Variants in IQCJ observed in about 807,000 individuals in gnomAD.
The protein encoded by IQCJ is IQ domain-containing protein J.
IQCJ carries 9 observed loss-of-function variants against 11.0 expected under a neutral mutation model. That is an observed-to-expected ratio of 0.82 (90% CI 0.49 to 1.43). The LOEUF is 1.43. IQCJ is among the 40% of genes most tolerant of loss of function. IQCJ has a pLI of 0.00. For missense variants in IQCJ, 146 were observed against 133.2 expected (o/e 1.10, Z -0.47); for synonymous variants, 55 against 51.3 (o/e 1.07, Z -0.31).
chr3:159,250,414 G>A (rs1388975846), intron 2 of IQCJ, among the ~76,000 whole-genome samples: 1 of 152,048 alleles, frequency 6.6e-6, no homozygotes, highest in Non-Finnish European at 1.5e-5. Context: ...TCATAAGTCT[G>A]TATATATAAT....
chr3:159,204,268 T>C (rs980904471), intron 1 of IQCJ, among the ~76,000 whole-genome samples: 4 of 152,258 alleles, frequency 2.6e-5, no homozygotes, highest in African/African-American at 9.6e-5. Context: ...GACTGCAGCC[T>C]CAGCTCCGAT....
At chr3:159,144,883 A>G (rs1433113953) in intron 1 of IQCJ, among the ~76,000 whole-genome samples, 2 of 152,238 alleles carry the variant, frequency 1.3e-5, no homozygotes, top group Non-Finnish European at 2.9e-5. Flanking sequence ...GAACATTTTC[A>G]TCCTCTATTA....
At chr3:159,233,029 C>T (rs181508575) in intron 1 of IQCJ, among the ~76,000 whole-genome samples, 39 of 152,258 alleles carry the variant, frequency 2.6e-4, no homozygotes, top group African/African-American at 7.2e-4. Flanking sequence ...GGTAATGCTG[C>T]GCTATTTAAT....
At chr3:159,105,646 A>G (rs1718209901) in intron 1 of IQCJ, among the ~76,000 whole-genome samples, 1 of 152,300 alleles carries the variant, frequency 6.6e-6, no homozygotes, top group South Asian at 2.1e-4. Context: ...AGGAGGAGCC[A>G]GCCATGAAAA....
At chr3:159,091,567 A>G (rs917707369) in intron 1 of IQCJ, among the ~76,000 whole-genome samples, 14 of 151,484 alleles carry the variant, frequency 9.2e-5, no homozygotes, top group African/African-American at 3.4e-4. Context: ...TGAATTTGAG[A>G]GGGACACAAA....
intron 1 of IQCJ, among the ~76,000 whole-genome samples, chr3:159,118,521 A>T (rs56247934): frequency 0.28 from 43,255 of 152,134 alleles, 7,179 homozygotes; most frequent in Non-Finnish European, 0.39. Flanking sequence ...GGTAAAAGTT[A>T]TCAGTCACAT....
intron 1 of IQCJ, among the ~76,000 whole-genome samples, chr3:159,136,660 C>T (rs985376535): frequency 3.5e-4 from 53 of 152,118 alleles, no homozygotes; most frequent in African/African-American, 1.2e-3. Flanking sequence ...GTGGAAGGAG[C>T]GAGGGTCTTT....
intron 1 of IQCJ, among the ~76,000 whole-genome samples, chr3:159,149,023 ATTTAG>A (rs755319682): frequency 3.3e-5 from 5 of 152,214 alleles, no homozygotes; most frequent in Admixed American, 6.5e-5. Flanking sequence ...AAGCAGAAAT[ATTTAG>A]TTTATTTAGT....
rs576185290 is a variant in IQCJ at position 159,262,799 on chromosome 3, C to G, written c.*68C>G. On this transcript the variant is annotated 3_prime_UTR_variant, in exon 4 of 4. Coordinates refer to ENST00000397832, the MANE Select transcript of IQCJ (RefSeq NM_001042706.3). Reference sequence around the variant, plus strand: ...GCAGGTGGTTTGTGACAGTGAAGATCTATGTAGCTTATTTGCTACCCAGGA... The same window carrying G: ...GCAGGTGGTTTGTGACAGTGAAGATGTATGTAGCTTATTTGCTACCCAGGA... The G allele has an allele frequency of 1.5e-5, 23 of 1,542,252 alleles. No individual in the cohort carries two copies. The East Asian group carries it at 5.2e-4, about 35-fold the overall frequency.
At chr3:159,148,983 C>A (rs1721058805) in intron 1 of IQCJ, among the ~76,000 whole-genome samples, 1 of 152,174 alleles carries the variant, frequency 6.6e-6, no homozygotes, top group African/African-American at 2.4e-5. Context: ...GCACCTCTGT[C>A]ACCTTTTAAT....
intron 1 of IQCJ, among the ~76,000 whole-genome samples, chr3:159,200,453 C>T (rs1211220116): frequency 2.0e-5 from 3 of 152,064 alleles, no homozygotes; most frequent in Non-Finnish European, 1.5e-5. Context: ...GCTGCAACCA[C>T]AGGAATTTCT....
At chr3:159,140,422 G>A (rs1360179373) in intron 1 of IQCJ, among the ~76,000 whole-genome samples, 1 of 152,182 alleles carries the variant, frequency 6.6e-6, no homozygotes, top group Non-Finnish European at 1.5e-5. Flanking sequence ...GAGAGGATGT[G>A]TGTTCAGGTC....
chr3:159,258,057 C>T (rs143101110), intron 3 of IQCJ, among the ~76,000 whole-genome samples: 82 of 152,304 alleles, frequency 5.4e-4, no homozygotes, highest in Non-Finnish European at 1.0e-3. Flanking sequence ...CATGGTCTAA[C>T]GTGCTTTAAG....
intron 3 of IQCJ, among the ~76,000 whole-genome samples, chr3:159,253,487 A>C (rs1359126069): frequency 6.6e-6 from 1 of 152,166 alleles, no homozygotes; most frequent in Non-Finnish European, 1.5e-5. Context: ...CCTTGGAAGC[A>C]ATTTCAAAAA....
rs1189325026 is a variant in IQCJ at position 159,069,882 on chromosome 3, TGTGTGC to T, written c.9+447_9+452del. ...GTGTGTGTGTGTGTGTGTGTGTGTG[TGTGTGC>T]GTGTGTATGGGGAGGAGGTGTTGAT... is the stretch of plus-strand genomic sequence containing the variant. On this transcript the variant is annotated intron_variant, in intron 1 of 3. Transcript: ENST00000397832. 259 of 319,372 alleles carry T rather than the reference TGTGTGC, an allele frequency of 8.1e-4. 1 individual carries two copies. The highest frequency in any genetic ancestry group is 5.0e-3 in the African/African-American group (214 of 42,538). 19.8% of individuals were successfully genotyped at this position (319,372 alleles called of 1,614,324 possible).
intron 1 of IQCJ, among the ~76,000 whole-genome samples, chr3:159,084,124 TG>T (rs1156287177): frequency 1.8e-4 from 28 of 152,042 alleles, no homozygotes; most frequent in African/African-American, 6.5e-4. Context: ...TTTCTGGTTG[TG>T]ATATTATACT....
chr3:159,155,291 G>A (rs1250818073), intron 1 of IQCJ, among the ~76,000 whole-genome samples: 1 of 151,970 alleles, frequency 6.6e-6, no homozygotes, highest in Non-Finnish European at 1.5e-5. Context: ...CTGAGTAGCT[G>A]GGACTACAGG....
chr3:159,194,687 G>A (rs1723882957), intron 1 of IQCJ, among the ~76,000 whole-genome samples: 1 of 152,116 alleles, frequency 6.6e-6, no homozygotes, highest in Non-Finnish European at 1.5e-5. Context: ...CTACTTCTTT[G>A]AACCATTTGA....
intron 1 of IQCJ, among the ~76,000 whole-genome samples, chr3:159,148,109 A>G (rs1289771701): frequency 2.0e-5 from 3 of 152,376 alleles, no homozygotes; most frequent in African/African-American, 7.2e-5. Context: ...AGCACCTTAC[A>G]TTAGGAAAGT....
Sources: allele counts gnomAD v4.1 joint callset (sites outside exome capture counted in the v4.1 genomes callset), GRCh38; gene constraint gnomAD v4.1.1; transcripts MANE v1.5; gene names NCBI Gene and HGNC (gene_info 2026-07-23, HGNC 2026-07-21).